The following GRID1 variants were observed in gnomAD, a reference collection of about 807,000 sequenced individuals.
The protein encoded by GRID1 is glutamate ionotropic receptor delta type subunit 1.
GRID1 carries 28 observed loss-of-function variants against 98.0 expected under a neutral mutation model. The observed-to-expected ratio is 0.29, with a 90% CI of 0.21 to 0.39. The LOEUF (loss-of-function observed/expected upper bound fraction) is 0.39, where lower values mean the gene tolerates loss of function less well. Ranked by LOEUF, GRID1 falls within the 10% of genes least tolerant of loss-of-function variation. The pLI is 1.00. For missense variants in GRID1, 1,111 were observed against 1,340.5 expected, an observed-to-expected ratio of 0.83 and a Z score of 2.67; for synonymous variants, 553 against 538.5, an observed-to-expected ratio of 1.03 and a Z score of -0.37.
intron 5 of GRID1, among the ~76,000 whole-genome samples, chr10:85,891,055 CA>C (rs1407791266): frequency 6.6e-6 from 1 of 152,098 alleles, no homozygotes; most frequent in African/African-American, 2.4e-5. Context: ...TTGCCTGTTG[CA>C]AACCACTTTA....
chr10:86,153,303 G>C (rs1398467728), intron 3 of GRID1, among the ~76,000 whole-genome samples: 1 of 152,220 alleles, frequency 6.6e-6, no homozygotes, highest in Non-Finnish European at 1.5e-5. Flanking sequence ...CAGTGGGCTG[G>C]AGCCCATCCT....
rs2132652492 is a variant in GRID1, at chr10:85,724,600, A to ATGTACC, written c.1604_1609dup (p.Arg535_Tyr536dup). Reference sequence around the variant, plus strand: ...AATTAGAATCCCCACTGAATAGTCCATGTACCGCTTGCTGAAGTCCACAAC... The same window carrying ATGTACC: ...AATTAGAATCCCCACTGAATAGTCCATGTACCTGTACCGCTTGCTGAAGTCCACAAC... On this transcript the variant is annotated inframe_insertion, in exon 11 of 16. Coordinates refer to ENST00000327946, the MANE Select transcript of GRID1 (RefSeq NM_017551.3). 1 of 1,611,186 alleles carries ATGTACC rather than the reference A, an allele frequency of 6.2e-7. No homozygotes were observed. The highest frequency in any genetic ancestry group is 1.3e-5 in the African/African-American group (1 of 75,026).
chr10:86,033,855 G>A (rs1237562407), intron 4 of GRID1, among the ~76,000 whole-genome samples: 5 of 152,212 alleles, frequency 3.3e-5, no homozygotes, highest in African/African-American at 9.6e-5. Context: ...TAAACATGCT[G>A]GCTGCATTCC....
chr10:86,303,810 C>G (rs900395294), intron 2 of GRID1, among the ~76,000 whole-genome samples: 1 of 152,214 alleles, frequency 6.6e-6, no homozygotes, highest in Non-Finnish European at 1.5e-5. Context: ...GCAGGAGACG[C>G]CAGCAGGGCT....
intron 8 of GRID1, among the ~76,000 whole-genome samples, chr10:85,779,966 A>G (rs1236415174): frequency 2.6e-5 from 4 of 152,174 alleles, no homozygotes; most frequent in Admixed American, 1.3e-4. Flanking sequence ...GAGAAAGGGA[A>G]GGGGTAAATG....
intron 2 of GRID1, among the ~76,000 whole-genome samples, chr10:86,325,343 C>A (rs747867448): frequency 9.2e-5 from 14 of 152,182 alleles, no homozygotes; most frequent in Non-Finnish European, 2.1e-4. Flanking sequence ...TCCAGCAACT[C>A]ACTCACCATC....
chr10:85,900,619 G>A (rs965072508), intron 5 of GRID1, among the ~76,000 whole-genome samples: 7 of 152,210 alleles, frequency 4.6e-5, no homozygotes, highest in Non-Finnish European at 1.0e-4. Context: ...AGCAATGGCA[G>A]GTTGTCTGTC....
At chr10:85,770,122 A>G (rs3011706) in intron 8 of GRID1, among the ~76,000 whole-genome samples, 99,640 of 151,976 alleles carry the variant, frequency 0.66, 32,943 homozygotes, top group East Asian at 0.87. Flanking sequence ...ACTCCTCTGA[A>G]ACAAAACTTC....
intron 4 of GRID1, among the ~76,000 whole-genome samples, chr10:86,017,257 G>A (rs1842991518): frequency 1.3e-5 from 2 of 152,192 alleles, no homozygotes; most frequent in Admixed American, 1.3e-4. Flanking sequence ...GGGCACATGG[G>A]TAAGTATCAA....
intron 2 of GRID1, among the ~76,000 whole-genome samples, chr10:86,357,224 G>A (rs1848544711): frequency 2.6e-5 from 4 of 152,248 alleles, no homozygotes; most frequent in South Asian, 2.1e-4. Flanking sequence ...TTTCCAGGCT[G>A]GGAGGGAGGG....
chr10:86,301,914 G>A (rs1302882623), intron 2 of GRID1, among the ~76,000 whole-genome samples: 2 of 152,194 alleles, frequency 1.3e-5, no homozygotes, highest in Non-Finnish European at 1.5e-5. Flanking sequence ...TTTTGTACCT[G>A]AAAGACCCTC....
rs111274799 is a variant in GRID1, at chr10:86,133,081, G to T, written c.726+5738C>A. ...ACTGCAGAGGTCAATGCCATCTGCTGCAACTGTCACTGGGTAGCTGCCATT... is the reference window on the plus strand; with the variant it reads ...ACTGCAGAGGTCAATGCCATCTGCTTCAACTGTCACTGGGTAGCTGCCATT... On this transcript the variant is annotated intron_variant, in intron 4 of 15. Transcript: ENST00000327946. Among the ~76,000 whole-genome samples the T allele has an allele frequency of 1.3e-3, 195 of 152,334 alleles. 2 individuals are homozygous for T. Among genetic ancestry groups the T allele is most frequent in the South Asian group, 6.4e-3 (31 of 4,828 alleles).
At chr10:86,297,298 TA>T (rs750609426) in intron 2 of GRID1, among the ~76,000 whole-genome samples, 1 of 152,130 alleles carries the variant, frequency 6.6e-6, no homozygotes, top group Non-Finnish European at 1.5e-5. Context: ...GATCAGAATT[TA>T]AAAATCTAGA....
chr10:85,781,682 C>T (rs965571951), intron 8 of GRID1, among the ~76,000 whole-genome samples: 1 of 151,962 alleles, frequency 6.6e-6, no homozygotes, highest in Admixed American at 6.6e-5. Flanking sequence ...ATTTAAAGAG[C>T]ATCTACTACA....
chr10:86,092,563 C>T (rs1844165071), intron 4 of GRID1, among the ~76,000 whole-genome samples: 1 of 151,950 alleles, frequency 6.6e-6, no homozygotes, highest in African/African-American at 2.4e-5. Context: ...AAATGGACAC[C>T]AAAAGCGAGC....
intron 4 of GRID1, among the ~76,000 whole-genome samples, chr10:86,064,742 C>A (rs997838952): frequency 6.6e-6 from 1 of 152,224 alleles, no homozygotes; most frequent in Non-Finnish European, 1.5e-5. Flanking sequence ...AAGCCTCACA[C>A]TTCCCCACTC....
chr10:86,225,881 T>C (rs539845868), intron 2 of GRID1, among the ~76,000 whole-genome samples: 1 of 152,164 alleles, frequency 6.6e-6, no homozygotes, highest in Non-Finnish European at 1.5e-5. Flanking sequence ...ACAGCAACCA[T>C]GACATCACGG....
chr10:85,737,498 A>G (rs983572282), intron 8 of GRID1, among the ~76,000 whole-genome samples: 1 of 151,774 alleles, frequency 6.6e-6, no homozygotes, highest in Non-Finnish European at 1.5e-5. Flanking sequence ...GGGCTCACAC[A>G]GGATAAAAGG....
chr10:85,681,950 T>G (rs1841214129), intron 12 of GRID1, among the ~76,000 whole-genome samples: 1 of 151,938 alleles, frequency 6.6e-6, no homozygotes, highest in African/African-American at 2.4e-5. Context: ...GCACAGCACA[T>G]GCACCAGCAA....
Sources: allele counts gnomAD v4.1 joint callset (sites outside exome capture counted in the v4.1 genomes callset), GRCh38; gene constraint gnomAD v4.1.1; transcripts MANE v1.5; gene names NCBI Gene and HGNC (gene_info 2026-07-23, HGNC 2026-07-21).